SMARCA2: variants seen among roughly 807,000 people sequenced by gnomAD.
SMARCA2 encodes the protein SWI/SNF-related matrix-associated actin-dependent regulator of chromatin subfamily A member 2.
SMARCA2 carries 61 observed loss-of-function variants against 199.8 expected under a neutral mutation model. That is an observed-to-expected ratio of 0.31 (90% confidence interval 0.25 to 0.38). SMARCA2 has a LOEUF of 0.38. Among genes scored for constraint, SMARCA2 ranks in the 10% least tolerant of loss-of-function variants. The pLI, the probability that SMARCA2 is intolerant of heterozygous loss-of-function variation, is 1.00. For missense variants in SMARCA2, 1,344 were observed against 2,012.2 expected (o/e 0.67, Z 6.35); for synonymous variants, 935 against 732.0 (o/e 1.28, Z -4.48).
intron 7 of SMARCA2, 176 bp from the exon 8 acceptor site, chr9:2,058,115 G>A: frequency 1.7e-6 from 1 of 593,938 alleles, no homozygotes; most frequent in Non-Finnish European, 3.0e-6. Context: ...TTTCCCACCA[G>A]CCCCATGGCC....
intron 25 of SMARCA2, among the ~76,000 whole-genome samples, chr9:2,118,663 A>T (rs144419969): frequency 2.0e-4 from 30 of 152,324 alleles, no homozygotes; most frequent in African/African-American, 6.0e-4. Flanking sequence ...ATCATTTTTT[A>T]AGTGTGGAAG....
At chr9:2,034,032 A>G (rs1819200246) in intron 3 of SMARCA2, among the ~76,000 whole-genome samples, 1 of 152,028 alleles carries the variant, frequency 6.6e-6, no homozygotes, top group African/African-American at 2.4e-5. Flanking sequence ...GGATCACGAG[A>G]TCAAGAGATC....
At chr9:2,116,495 A>G (rs903761506) in intron 25 of SMARCA2, among the ~76,000 whole-genome samples, 1 of 152,236 alleles carries the variant, frequency 6.6e-6, no homozygotes, top group African/African-American at 2.4e-5. Context: ...TGTTTGTAGG[A>G]CAAACCTTCA....
At chr9:2,022,958 C>T (rs977718303) in intron 1 of SMARCA2, among the ~76,000 whole-genome samples, 1 of 152,206 alleles carries the variant, frequency 6.6e-6, no homozygotes, top group Non-Finnish European at 1.5e-5. Flanking sequence ...TACTAATGGA[C>T]ATGAGTCTCA....
rs945484008 is a variant in SMARCA2 at position 2,030,611 on chromosome 9, A to G, written c.225+1364A>G. ...GGGTGAGGCCCACCGACATTGCTGG[A>G]GGCAATCTGATTTATTCAGTCTAAC... On this transcript the variant is annotated intron_variant, in intron 2 of 33. Transcript: ENST00000349721. Among the ~76,000 whole-genome samples the G allele has an allele frequency of 2.7e-5, 4 of 146,160 alleles. No individual in the cohort carries two copies. In the East Asian group the frequency reaches 8.1e-4, roughly 29 times the overall value.
chr9:2,182,062 A>G lies in SMARCA2; in HGVS notation c.4360-79A>G, dbSNP rs2281786. ...ATGCTGTGAAGACAAAGGGAAAATC[A>G]GGCTTTGTTAACTAAGTAATGATCG... On this transcript the variant is annotated intron_variant, in intron 30 of 33. Transcript: ENST00000349721. 0.66 allele frequency: 611,349 copies of G among 921,000 alleles called. 205,044 individuals are homozygous for G. Among genetic ancestry groups the G allele is most frequent in the Admixed American group, 0.79 (45,276 of 57,650 alleles). The allele number at this position is 921,000 out of a possible 1,614,324, so 57.1% of individuals were successfully genotyped here. A position where few individuals can be genotyped will look rare whatever the true frequency, so the allele number is the denominator to read the frequency against.
rs1818415297 is a variant in SMARCA2, at chr9:2,017,604, G to C, written c.-37+2200G>C. ...AGAATCAGGAAGTCACAGCAGCGAA[G>C]CGCACACAGCACACAGACATGTTTG... On this transcript the variant is annotated intron_variant, in intron 1 of 33. Transcript: ENST00000349721. The surrounding 1 kb of genome is among the most constrained non-coding windows in gnomAD (Gnocchi z 8.8). 6.6e-6 allele frequency: 1 copy of C among 152,350 alleles called. No individual in the cohort carries two copies. Among genetic ancestry groups the C allele is most frequent in the Non-Finnish European group, 1.5e-5 (1 of 68,076 alleles). The allele number at this position is 152,350 out of a possible 1,614,324, so 9.4% of individuals were successfully genotyped here.
chr9:2,191,341 G>C lies in SMARCA2; in HGVS notation c.4670G>C (p.Arg1557Thr). ...CGGGACAAAGGGAAAGGCAAGAAAA[G>C]GCCAAATCGAGGAAAAGCCAAACCT... is the stretch of plus-strand genomic sequence containing the variant. Reference protein sequence around the residue: ...KGRDKGKGKKRPNRGKAKPVV... With the variant: ...KGRDKGKGKKTPNRGKAKPVV... Residue 1557 changes from arginine to threonine, a missense_variant, in exon 33 of 34, where the codon AGG (arginine) becomes ACG (threonine). This residue lies in a region of SMARCA2 where 155 missense variants were observed against 121.1 expected (regional missense o/e 1.28). Coordinates refer to ENST00000349721, the MANE Select transcript of SMARCA2 (RefSeq NM_003070.5). 6.2e-7 allele frequency: 1 copy of C among 1,614,192 alleles called. No individual in the cohort carries two copies. The highest frequency in any genetic ancestry group is 1.1e-5 in the South Asian group (1 of 91,080).
intron 21 of SMARCA2, among the ~76,000 whole-genome samples, chr9:2,098,695 G>A (rs562284638): frequency 1.3e-5 from 2 of 152,150 alleles, no homozygotes; most frequent in Admixed American, 1.3e-4. Context: ...CTGTAATTTG[G>A]GAGGCCGAGG....
chr9:2,103,904 C>T lies in SMARCA2; in HGVS notation c.3126-99C>T, dbSNP rs1822640888. Reference sequence around the variant, plus strand: ...TTCACAGTTACTTATTGAATGTTTACAGTGTACAAAGGACTATATGAAAAG... The same window carrying T: ...TTCACAGTTACTTATTGAATGTTTATAGTGTACAAAGGACTATATGAAAAG... On this transcript the variant is annotated intron_variant, in intron 22 of 33. Transcript: ENST00000349721. 5.8e-6 allele frequency: 5 copies of T among 861,344 alleles called. No homozygotes were observed. The Admixed American group carries it at 7.0e-5, about 12-fold the overall frequency. 53.4% of individuals were successfully genotyped at this position (861,344 alleles called of 1,614,324 possible). A position where few individuals can be genotyped will look rare whatever the true frequency, so the allele number is the denominator to read the frequency against.
At chr9:2,190,270 T>G (rs889637091) in intron 32 of SMARCA2, among the ~76,000 whole-genome samples, 1 of 152,218 alleles carries the variant, frequency 6.6e-6, no homozygotes, top group Non-Finnish European at 1.5e-5. Context: ...CATATGGACA[T>G]GTCCACCATA....
intron 29 of SMARCA2, among the ~76,000 whole-genome samples, chr9:2,176,250 ACT>A (rs1208629074): frequency 2.1e-5 from 3 of 143,516 alleles, no homozygotes; most frequent in African/African-American, 7.9e-5. Context: ...ATAATTTTAG[ACT>A]CTCTTGCATT....
chr9:2,181,788 C>G, intron 30 of SMARCA2, 112 bp downstream of exon 30: 1 of 664,258 alleles, frequency 1.5e-6, no homozygotes, highest in Non-Finnish European at 2.7e-6. Context: ...CCAGGGCTCG[C>G]GACAGGAAAG....
At chr9:2,062,828 T>C (rs1300549132) in intron 9 of SMARCA2, among the ~76,000 whole-genome samples, 1 of 152,108 alleles carries the variant, frequency 6.6e-6, no homozygotes, top group Non-Finnish European at 1.5e-5. Flanking sequence ...AGACTGATAT[T>C]AATCAGGGAG....
chr9:2,104,179 T>C lies in SMARCA2; in HGVS notation c.3292+10T>C. On this transcript the variant is annotated intron_variant, in intron 23 of 33. Coordinates refer to ENST00000349721, the MANE Select transcript of SMARCA2 (RefSeq NM_003070.5). This position sits in a 1 kb window ranked among gnomAD's most constrained non-coding sequence, Gnocchi z 4.0. ...TACCTACGCCTTGATGGTAAGTGCA[T>C]AAGGCATTAGGCTCGGAAGCCATAC... 1 of 1,609,444 alleles carries C rather than the reference T, an allele frequency of 6.2e-7. No individual in the cohort carries two copies. Among genetic ancestry groups the C allele is most frequent in the East Asian group, 2.2e-5 (1 of 44,748 alleles).
In SMARCA2 at chr9:2,169,160, C is replaced by T. The variant is rs145849137; in HGVS notation, c.4200-1259C>T. Among the ~76,000 whole-genome samples the T allele has an allele frequency of 2.3e-3, 351 of 152,236 alleles. No homozygotes were observed. The highest frequency in any genetic ancestry group is 3.4e-3 in the Middle Eastern group (1 of 294). On this transcript the variant is annotated intron_variant, in intron 28 of 33. Coordinates refer to ENST00000349721, the MANE Select transcript of SMARCA2 (RefSeq NM_003070.5). This position sits in a 1 kb window ranked among gnomAD's most constrained non-coding sequence, Gnocchi z 6.5. ...CTCCTAATTGTCCCTACAAGACACC[C>T]GTTCACCTGCCTCCTCACCCCCTGT...
At chr9:2,057,664 G>C (rs1413264656) in intron 7 of SMARCA2, among the ~76,000 whole-genome samples, 2 of 152,114 alleles carry the variant, frequency 1.3e-5, no homozygotes, top group Non-Finnish European at 2.9e-5. Flanking sequence ...TCCTTTCTGG[G>C]GGTTTGGAAA....
At chr9:2,062,951 C>A (rs906216359) in intron 9 of SMARCA2, among the ~76,000 whole-genome samples, 1 of 152,086 alleles carries the variant, frequency 6.6e-6, no homozygotes, top group African/African-American at 2.4e-5. Context: ...GGCCTGATTT[C>A]TTGGCAAACG....
chr9:2,078,036 A>G (rs1052166248), intron 14 of SMARCA2, among the ~76,000 whole-genome samples: 1 of 151,988 alleles, frequency 6.6e-6, no homozygotes, highest in African/African-American at 2.4e-5. Context: ...AAAATGGAAA[A>G]CCCAGCCACA....
Sources: allele counts gnomAD v4.1 joint callset (sites outside exome capture counted in the v4.1 genomes callset), GRCh38; gene constraint gnomAD v4.1.1; regional missense constraint gnomAD v4.1.1; non-coding constraint Gnocchi (gnomAD v3.1); transcripts MANE v1.5; gene names NCBI Gene and HGNC (gene_info 2026-07-23, HGNC 2026-07-21).